Variants in USP25 observed in about 807,000 individuals in gnomAD.
USP25 encodes ubiquitin carboxyl-terminal hydrolase 25.
Under a neutral mutation model 158.5 loss-of-function variants are expected in USP25, and 85 were observed. The ratio of observed to expected loss-of-function variants is 0.54; its 90% CI spans 0.45 to 0.64. The LOEUF is 0.64. USP25 is among the 30% of genes least tolerant of loss of function. The probability of loss-of-function intolerance (pLI) is 0.00; values close to 1 mark genes in which losing one functional copy is unlikely to be tolerated. For missense variants in USP25, 1,242 were observed against 1,327.3 expected (o/e 0.94, Z 1.00); for synonymous variants, 464 against 460.4 (o/e 1.01, Z -0.10).
intron 5 of USP25, among the ~76,000 whole-genome samples, chr21:15,797,541 A>G (rs190903812): frequency 2.4e-3 from 360 of 151,296 alleles, no homozygotes; most frequent in African/African-American, 8.3e-3. Flanking sequence ...TTTAAAAATG[A>G]AGAAAAACTA....
chr21:15,831,447 A>C lies in USP25; in HGVS notation c.1811A>C (p.Asn604Thr). The change falls in exon 16 of 26, where the codon AAT (asparagine) becomes ACT (threonine). Residue 604 changes from asparagine to threonine, a missense_variant. Asn to Thr is a moderately conservative substitution (Grantham distance 65, BLOSUM62 0). Coordinates refer to ENST00000400183, the MANE Select transcript of USP25 (RefSeq NM_001283041.3). ...HAVLVHEGQANAGHYWAYIFD... is the reference protein window; with the variant it reads ...HAVLVHEGQATAGHYWAYIFD... The stretch of plus-strand genomic sequence containing the variant: ...GTTTTAGTTCACGAAGGCCAAGCTA[A>C]TGCTGGGCACTACTGGGCATATATT... The C allele has an allele frequency of 6.2e-7, 1 of 1,614,094 alleles. No individual in the cohort carries two copies. Among genetic ancestry groups the C allele is most frequent in the Non-Finnish European group, 8.5e-7 (1 of 1,179,980 alleles).
chr21:15,849,029 C>G (rs951388740), intron 19 of USP25, among the ~76,000 whole-genome samples: 3 of 152,080 alleles, frequency 2.0e-5, no homozygotes, highest in African/African-American at 7.2e-5. Flanking sequence ...AATGGCTCTA[C>G]ATTGTTCTAG....
intron 1 of USP25, among the ~76,000 whole-genome samples, chr21:15,752,476 A>G (rs1158910098): frequency 1.3e-5 from 2 of 152,136 alleles, no homozygotes; most frequent in Non-Finnish European, 2.9e-5. Flanking sequence ...GGCCTCCCAA[A>G]GTGCTGGGAT....
rs1262239121 is a variant in USP25, at chr21:15,847,787, C to G, written c.2451+11C>G. 10 of 1,500,926 alleles carry G rather than the reference C, an allele frequency of 6.7e-6. No homozygotes were observed. The highest frequency in any genetic ancestry group is 9.1e-6 in the Non-Finnish European group (10 of 1,102,014). 93.0% of individuals were successfully genotyped at this position (1,500,926 alleles called of 1,614,324 possible). On this transcript the variant is annotated intron_variant, in intron 19 of 25. Coordinates refer to ENST00000400183, the MANE Select transcript of USP25 (RefSeq NM_001283041.3). ...GGGTATGATGACGAGGTACCTTTTACAGCCCTCTGCACCATTGCTACTTAA... is the reference window on the plus strand; with the variant it reads ...GGGTATGATGACGAGGTACCTTTTAGAGCCCTCTGCACCATTGCTACTTAA...
intron 7 of USP25, 38 bp from the exon 8 acceptor site, chr21:15,808,771 G>T (rs1203447435): frequency 1.3e-6 from 2 of 1,492,676 alleles, no homozygotes; most frequent in Middle Eastern, 1.9e-4. Context: ...TTTTTTTTTA[G>T]TAGGCTCAAA....
chr21:15,800,846 T>C (rs1033959382), intron 6 of USP25, among the ~76,000 whole-genome samples: 1 of 151,574 alleles, frequency 6.6e-6, no homozygotes, highest in African/African-American at 2.4e-5. Context: ...GAAACATTTA[T>C]AATGCATGCT....
chr21:15,824,729 G>T lies in USP25; in HGVS notation c.1209-237G>T, dbSNP rs188718440. Among the ~76,000 whole-genome samples the T allele has an allele frequency of 5.5e-4, 84 of 152,230 alleles. No homozygotes were observed. The East Asian group carries it at 0.015, about 27-fold the overall frequency. ...TCTCCTGGGTTCAAATGATTCTCCT[G>T]TCTCAGCTTCCCGAGTAGCTGGGAT... On this transcript the variant is annotated intron_variant, in intron 11 of 25. Transcript: ENST00000400183.
chr21:15,874,493 A>C lies in USP25; in HGVS notation c.2976A>C (p.Glu992Asp), dbSNP rs774743759. 6.2e-7 allele frequency: 1 copy of C among 1,610,016 alleles called. No individual in the cohort carries two copies. Among genetic ancestry groups the C allele is most frequent in the South Asian group, 1.1e-5 (1 of 90,522 alleles). Reference protein sequence around the residue: ...SKGLYRGHDEELISHYRRECL... With the variant: ...SKGLYRGHDEDLISHYRRECL... ...GCTTATACAGAGGACATGATGAAGA[A>C]TTGATATCACATTATAGAAGAGAAT... The change falls in exon 24 of 26, where the codon GAA becomes GAC. Residue 992 changes from glutamate to aspartate, a missense_variant. Physicochemically the swap from Glu to Asp is conservative, Grantham distance 45 (BLOSUM62 2). Around this residue, in one of 3 missense-constraint regions of USP25, gnomAD observed 608 missense variants for 605.2 expected, o/e 1.00. Transcript: ENST00000400183.
intron 1 of USP25, among the ~76,000 whole-genome samples, chr21:15,748,337 A>C (rs1340520319): frequency 2.0e-5 from 3 of 152,028 alleles, no homozygotes; most frequent in Non-Finnish European, 4.4e-5. Flanking sequence ...GCTGGAGTGC[A>C]GTGGCATAAT....
At chr21:15,841,260 CT>C (rs914940242) in intron 17 of USP25, among the ~76,000 whole-genome samples, 1 of 152,174 alleles carries the variant, frequency 6.6e-6, no homozygotes, top group African/African-American at 2.4e-5. Context: ...TTGTGTCCCC[CT>C]GTTGCTCTCT....
intron 10 of USP25, among the ~76,000 whole-genome samples, chr21:15,821,927 A>T (rs1327427862): frequency 6.6e-6 from 1 of 151,990 alleles, no homozygotes; most frequent in African/African-American, 2.4e-5. Context: ...TAGAATTGTG[A>T]TGAATTTAGA....
rs747238083 is a variant in USP25, at chr21:15,766,164, T to C, written c.268+23T>C. On this transcript the variant is annotated intron_variant, in intron 3 of 25. Coordinates refer to ENST00000400183, the MANE Select transcript of USP25 (RefSeq NM_001283041.3). The surrounding 1 kb of genome is among the most constrained non-coding windows in gnomAD (Gnocchi z 4.0). Reference sequence around the variant, plus strand: ...CAAGTAAGTTTTCTTTCTTTTCTTATTATTTTAATAGAAACATACTGAAAA... The same window carrying C: ...CAAGTAAGTTTTCTTTCTTTTCTTACTATTTTAATAGAAACATACTGAAAA... 78 of 1,575,884 alleles carry C rather than the reference T, an allele frequency of 4.9e-5. No homozygotes were observed. Among genetic ancestry groups the C allele is most frequent in the Non-Finnish European group, 6.3e-5 (74 of 1,168,784 alleles).
At chr21:15,758,990 A>G (rs1310182784) in intron 1 of USP25, among the ~76,000 whole-genome samples, 1 of 152,074 alleles carries the variant, frequency 6.6e-6, no homozygotes, top group African/African-American at 2.4e-5. Flanking sequence ...GGCCATCAAC[A>G]TTTGTACAAA....
At chr21:15,855,053 C>G (rs2039069979) in intron 20 of USP25, among the ~76,000 whole-genome samples, 1 of 152,122 alleles carries the variant, frequency 6.6e-6, no homozygotes, top group Admixed American at 6.5e-5. Context: ...AAAATATTTT[C>G]AAAGTACTCG....
chr21:15,813,843 A>T (rs903584248), intron 9 of USP25, among the ~76,000 whole-genome samples: 106 of 151,980 alleles, frequency 7.0e-4, no homozygotes, highest in African/African-American at 2.5e-3. Context: ...TCTAAAAGGG[A>T]TCTTGCTAAG....
chr21:15,812,252 C>T (rs2036702744), intron 9 of USP25, among the ~76,000 whole-genome samples: 1 of 151,948 alleles, frequency 6.6e-6, no homozygotes, highest in Non-Finnish European at 1.5e-5. Flanking sequence ...TCTGATGCAG[C>T]GAGTAGGTCT....
rs1440458082 is a variant in USP25, at chr21:15,878,003, C to CAA, written c.3205+13_3205+14dup. ...TCAAGAAATGGAACGTAAGTTTAAACAATGGTAGTAGGCACCTGAGATGTC... is the reference window on the plus strand; with the variant it reads ...TCAAGAAATGGAACGTAAGTTTAAACAAAATGGTAGTAGGCACCTGAGATGTC... On this transcript the variant is annotated intron_variant, in intron 25 of 25. Coordinates refer to ENST00000400183, the MANE Select transcript of USP25 (RefSeq NM_001283041.3). 2.5e-6 allele frequency: 4 copies of CAA among 1,601,198 alleles called. No homozygotes were observed. The highest frequency in any genetic ancestry group is 1.7e-5 in the Admixed American group (1 of 57,330).
chr21:15,877,452 A>G (rs2040142512), intron 24 of USP25: 1 of 166,348 alleles, frequency 6.0e-6, no homozygotes, highest in South Asian at 1.8e-4. Context: ...TATTTTTAAA[A>G]CTATTTTGAG....
At chr21:15,807,198 G>A (rs549321485) in intron 7 of USP25, among the ~76,000 whole-genome samples, 4 of 152,286 alleles carry the variant, frequency 2.6e-5, no homozygotes, top group Admixed American at 2.6e-4. Flanking sequence ...AAAGTGCTAG[G>A]ATTATAGACA....
Sources: allele counts gnomAD v4.1 joint callset (sites outside exome capture counted in the v4.1 genomes callset), GRCh38; gene constraint gnomAD v4.1.1; regional missense constraint gnomAD v4.1.1; non-coding constraint Gnocchi (gnomAD v3.1); transcripts MANE v1.5; gene names NCBI Gene and HGNC (gene_info 2026-07-23, HGNC 2026-07-21).